OSTF1: variants seen among roughly 807,000 people sequenced by gnomAD.
The protein encoded by OSTF1 is osteoclast-stimulating factor 1.
OSTF1 carries 27 observed loss-of-function variants against 37.2 expected under a neutral mutation model. That is an observed-to-expected ratio of 0.73 (90% confidence interval 0.54 to 1.00). The LOEUF (loss-of-function observed/expected upper bound fraction) is 1.00. OSTF1 is among the 50% of genes least tolerant of loss of function. The probability of loss-of-function intolerance (pLI) is 0.00; values close to 1 mark genes in which losing one functional copy is unlikely to be tolerated. For synonymous variants in OSTF1, 82 were observed against 89.2 expected, an observed-to-expected ratio of 0.92 and a Z score of 0.46; for missense variants, 232 against 253.8, an observed-to-expected ratio of 0.91 and a Z score of 0.58.
At chr9:75,114,159 G>A (rs981019299) in intron 1 of OSTF1, among the ~76,000 whole-genome samples, 2 of 152,124 alleles carry the variant, frequency 1.3e-5, no homozygotes, top group Non-Finnish European at 2.9e-5. Context: ...TCTATTGTGT[G>A]TGTGTGTGTG....
chr9:75,146,720 C>T lies in OSTF1; in HGVS notation c.624C>T (p.Leu208=), dbSNP rs144680824. The T allele has an allele frequency of 8.7e-6, 14 of 1,609,828 alleles. No individual in the cohort carries two copies. Among genetic ancestry groups the T allele is most frequent in the South Asian group, 2.2e-5 (2 of 90,308 alleles). The change falls in exon 10 of 10, where the codon CTC becomes CTT. Residue 208 remains leucine, a synonymous_variant. Coordinates refer to ENST00000346234, the MANE Select transcript of OSTF1 (RefSeq NM_012383.5). ...CATTAAGCAATGCCGAGGACTATCT[C>T]GATGATGAAGACTCAGATTAATTCC... ...VRTLSNAEDY[L]DDEDSD is the part of the protein sequence containing the mutation.
At chr9:75,144,458 G>A (rs1825989980) in intron 9 of OSTF1, among the ~76,000 whole-genome samples, 1 of 152,100 alleles carries the variant, frequency 6.6e-6, no homozygotes, top group Non-Finnish European at 1.5e-5. Flanking sequence ...AGGCTGAGGT[G>A]GGAGGATCAC....
intron 7 of OSTF1, among the ~76,000 whole-genome samples, chr9:75,136,689 G>A (rs4445291): frequency 0.026 from 4,030 of 152,306 alleles, 158 homozygotes; most frequent in African/African-American, 0.09. Flanking sequence ...ACCATGCCTG[G>A]CCCTTATCCA....
chr9:75,105,034 G>GT (rs1825259870), intron 1 of OSTF1, among the ~76,000 whole-genome samples: 1 of 152,204 alleles, frequency 6.6e-6, no homozygotes, highest in Non-Finnish European at 1.5e-5. Flanking sequence ...CTGGCCCATG[G>GT]TAAGTGTCCC....
chr9:75,140,616 C>A lies in OSTF1; in HGVS notation c.488-218C>A, dbSNP rs146052210. ...CAATTCTATAGGGACTCAAAAGGTT[C>A]GGAATTAATTGTTATCACAGGTGCA... On this transcript the variant is annotated intron_variant, in intron 8 of 9. Coordinates refer to ENST00000346234, the MANE Select transcript of OSTF1 (RefSeq NM_012383.5). Among the ~76,000 whole-genome samples the A allele has an allele frequency of 6.7e-4, 102 of 152,260 alleles. 1 individual carries two copies. The highest frequency in any genetic ancestry group is 2.2e-3 in the African/African-American group (93 of 41,544).
At chr9:75,130,741 G>A in intron 4 of OSTF1, 100 bp downstream of exon 4, 1 of 757,026 alleles carries the variant, frequency 1.3e-6, no homozygotes, top group Non-Finnish European at 2.4e-6. Context: ...AAGCAATGGA[G>A]TCATTGTCAG....
chr9:75,093,660 G>T (rs1409988382), intron 1 of OSTF1, among the ~76,000 whole-genome samples: 1 of 152,098 alleles, frequency 6.6e-6, no homozygotes, highest in African/African-American at 2.4e-5. Flanking sequence ...AAACTTAAAA[G>T]ACATCACACG....
At chr9:75,121,339 G>A (rs1446411168) in intron 2 of OSTF1, among the ~76,000 whole-genome samples, 2 of 152,154 alleles carry the variant, frequency 1.3e-5, no homozygotes, top group African/African-American at 2.4e-5. Context: ...CTAAGATGGA[G>A]TTTCTCCACT....
At chr9:75,110,361 T>G (rs926152104) in intron 1 of OSTF1, among the ~76,000 whole-genome samples, 6 of 152,230 alleles carry the variant, frequency 3.9e-5, no homozygotes, top group African/African-American at 1.4e-4. Context: ...AGCCTTTTCA[T>G]GTTGACTTTT....
chr9:75,141,530 G>T (rs886208708), intron 9 of OSTF1, among the ~76,000 whole-genome samples: 1 of 151,916 alleles, frequency 6.6e-6, no homozygotes, highest in Non-Finnish European at 1.5e-5. Context: ...CCTTTTCAGA[G>T]AACGATCATC....
Position 75,088,639 on chromosome 9 carries a change from C to G in OSTF1, c.-54C>G, listed in dbSNP as rs1824854728. 1.9e-6 allele frequency: 3 copies of G among 1,579,266 alleles called. No individual in the cohort carries two copies. Among genetic ancestry groups the G allele is most frequent in the Non-Finnish European group, 2.6e-6 (3 of 1,159,640 alleles). On this transcript the variant is annotated 5_prime_UTR_variant, in exon 1 of 10. Transcript: ENST00000346234. ...GGTGCCCGGAGTGCCAGGTGGCGGG[C>G]AAGCGGTGGGCTTTTCGGCGGGGTC...
chr9:75,092,913 A>G (rs867736782), intron 1 of OSTF1, among the ~76,000 whole-genome samples: 14 of 152,058 alleles, frequency 9.2e-5, no homozygotes, highest in Non-Finnish European at 1.5e-4. Context: ...ACTTTTGGCC[A>G]CACAAGGTCT....
intron 1 of OSTF1, among the ~76,000 whole-genome samples, chr9:75,110,715 CTTT>C (rs1028159927): frequency 6.9e-6 from 1 of 144,204 alleles, no homozygotes; most frequent in Admixed American, 6.9e-5. Flanking sequence ...CAGTTTCTTT[CTTT>C]TTTTTTTTTT....
Position 75,127,615 on chromosome 9 carries a change from A to G in OSTF1, c.128A>G (p.Asp43Gly), listed in dbSNP as rs1293286155. 1.9e-6 allele frequency: 3 copies of G among 1,558,040 alleles called. No homozygotes were observed. The highest frequency in any genetic ancestry group is 3.6e-5 in the Admixed American group (2 of 56,198). ...GAAGGTGATATTATCTACATTACTG[A>G]CATGGTAAGTCCAGATAACATCTTG... The part of the protein sequence containing the change: ...FEEGDIIYIT[D>G]MSDTNWWKGT... The change falls in exon 3 of 10, where the codon GAC (aspartate) becomes GGC (glycine). Residue 43 changes from aspartate (D) to glycine (G), a missense_variant. Transcript: ENST00000346234.
At chr9:75,099,740 A>G (rs1825156603) in intron 1 of OSTF1, among the ~76,000 whole-genome samples, 1 of 152,162 alleles carries the variant, frequency 6.6e-6, no homozygotes, top group African/African-American at 2.4e-5. Context: ...GAGGCAGGAG[A>G]ATAGCCTGAA....
At chr9:75,140,315 G>A (rs1004369405) in intron 8 of OSTF1, among the ~76,000 whole-genome samples, 2 of 152,214 alleles carry the variant, frequency 1.3e-5, no homozygotes, top group African/African-American at 4.8e-5. Flanking sequence ...CAATGCAAAT[G>A]TATTCATGAA....
intron 1 of OSTF1, among the ~76,000 whole-genome samples, chr9:75,105,501 T>C (rs983239140): frequency 1.3e-5 from 2 of 152,238 alleles, no homozygotes; most frequent in African/African-American, 4.8e-5. Flanking sequence ...CTTGAAATAC[T>C]ATTTTTCATT....
chr9:75,121,428 A>G (rs989153057), intron 2 of OSTF1, among the ~76,000 whole-genome samples: 3 of 152,200 alleles, frequency 2.0e-5, no homozygotes, highest in Non-Finnish European at 2.9e-5. Flanking sequence ...AAAATATTCT[A>G]TATTTAAAAT....
At chr9:75,124,450 G>A (rs1027685813) in intron 2 of OSTF1, among the ~76,000 whole-genome samples, 3 of 152,100 alleles carry the variant, frequency 2.0e-5, no homozygotes, top group African/African-American at 7.2e-5. Context: ...GCCTCTGGTA[G>A]CCATACGTCT....
Sources: gnomAD v4.1 joint callset for allele counts (sites outside exome capture counted in the v4.1 genomes callset) on GRCh38, gnomAD v4.1.1 for gene constraint, MANE v1.5 for transcripts, NCBI Gene and HGNC (gene_info 2026-07-23, HGNC 2026-07-21) for gene names.